SRGAP3: variants seen among roughly 807,000 people sequenced by gnomAD.
The protein encoded by SRGAP3 is SLIT-ROBO Rho GTPase activating protein 3, also known as SLIT-ROBO Rho GTPase-activating protein 3.
In SRGAP3, 39 loss-of-function variants were observed where a neutral mutation model predicts 121.1. That is an observed-to-expected ratio of 0.32 (90% CI 0.25 to 0.42). The LOEUF (loss-of-function observed/expected upper bound fraction) is 0.42, where lower values mean the gene tolerates loss of function less well. Ranked by LOEUF, SRGAP3 falls within the 10% of genes least tolerant of loss-of-function variation. The pLI, the probability that SRGAP3 is intolerant of heterozygous loss-of-function variation, is 1.00. For synonymous variants in SRGAP3, 601 were observed against 570.0 expected, an observed-to-expected ratio of 1.05 and a Z score of -0.77; for missense variants, 1,213 against 1,470.6, an observed-to-expected ratio of 0.82 and a Z score of 2.86.
chr3:9,265,814 C>T (rs1430300992), intron 3 of SRGAP3, among the ~76,000 whole-genome samples: 8 of 152,086 alleles, frequency 5.3e-5, no homozygotes, highest in East Asian at 1.9e-4. Context: ...GACAGTGTGG[C>T]GATTCCTCAA....
chr3:9,152,592 C>A (rs1183341613), intron 1 of SRGAP3, among the ~76,000 whole-genome samples: 5 of 152,204 alleles, frequency 3.3e-5, no homozygotes, highest in African/African-American at 4.8e-5. Flanking sequence ...GAAGCAGAGA[C>A]AAACCTGGCA....
chr3:9,167,644 G>T (rs957007709), intron 1 of SRGAP3, among the ~76,000 whole-genome samples: 4 of 152,164 alleles, frequency 2.6e-5, no homozygotes, highest in African/African-American at 7.2e-5. Context: ...GGGATGTGCT[G>T]GTTTTAAGAA....
chr3:9,346,779 A>T (rs1314514894), intron 1 of SRGAP3, among the ~76,000 whole-genome samples: 1 of 146,290 alleles, frequency 6.8e-6, no homozygotes, highest in Non-Finnish European at 1.5e-5. Flanking sequence ...TTTGAGACAA[A>T]GTCTCACTCT....
intron 1 of SRGAP3, among the ~76,000 whole-genome samples, chr3:9,128,573 T>C (rs906623952): frequency 6.6e-6 from 1 of 152,368 alleles, no homozygotes; most frequent in Admixed American, 6.5e-5. Flanking sequence ...ATTTATCCTA[T>C]GACCGGGCAA....
chr3:9,335,118 TTG>T (rs2125287635), intron 1 of SRGAP3, among the ~76,000 whole-genome samples: 1 of 152,316 alleles, frequency 6.6e-6, no homozygotes, highest in South Asian at 2.1e-4. Context: ...TTTCACTATT[TTG>T]TGGGTTTTCT....
In SRGAP3 at chr3:8,981,494, C is replaced by T. The variant is rs1317515123; in HGVS notation, c.*4025G>A. The T allele has an allele frequency of 2.2e-5, 5 of 232,374 alleles. No homozygotes were observed. The highest frequency in any genetic ancestry group is 6.6e-5 in the African/African-American group (3 of 45,278). 14.4% of individuals were successfully genotyped at this position (232,374 alleles called of 1,614,324 possible). ...AAGACTGAGAGGAAGAACCATTACC[C>T]GAGTCCTCGTGTTTTTCCATTAGCT... is the stretch of plus-strand genomic sequence containing the variant. On this transcript the variant is annotated 3_prime_UTR_variant, in exon 22 of 22. Transcript: ENST00000383836.
chr3:9,140,203 A>C (rs1036566693), intron 1 of SRGAP3, among the ~76,000 whole-genome samples: 7 of 152,138 alleles, frequency 4.6e-5, no homozygotes, highest in African/African-American at 1.7e-4. Flanking sequence ...TGTCTATAGA[A>C]GTGAAAACTT....
intron 3 of SRGAP3, among the ~76,000 whole-genome samples, chr3:9,267,880 T>G (rs992284146): frequency 1.3e-4 from 20 of 152,368 alleles, no homozygotes; most frequent in Non-Finnish European, 2.2e-4. Flanking sequence ...AAGGCCATTT[T>G]CTACATTATC....
chr3:9,015,707 T>C lies in SRGAP3; in HGVS notation c.1703A>G (p.Gln568Arg), dbSNP rs1215112306. The C allele has an allele frequency of 6.2e-7, 1 of 1,614,230 alleles. No individual in the cohort carries two copies. The stretch of plus-strand genomic sequence containing the variant: ...GACTGAATTGATATCTCGTTCATTT[T>C]GATCGTCCACAAGGGGGTCTTCACC... ...ERGEDPLVDD[Q>R]NERDINSVAG... The change falls in exon 15 of 22, where the codon CAA becomes CGA. Residue 568 changes from glutamine to arginine, a missense_variant. Transcript: ENST00000383836.
intron 1 of SRGAP3, among the ~76,000 whole-genome samples, chr3:9,146,766 G>A (rs755191136): frequency 3.9e-5 from 6 of 152,166 alleles, no homozygotes; most frequent in Non-Finnish European, 7.3e-5. Context: ...GAAGAGGAGC[G>A]GGAACCCCAC....
rs1407105115 is a variant in SRGAP3 at position 9,026,985 on chromosome 3, T to C, written c.1550A>G (p.Gln517Arg). ...GCTCTCGACTACAAGCGGTATAGCT[T>C]GTCCTGAATCCTTGAGAAAAGAAAA... is the stretch of plus-strand genomic sequence containing the variant. ...SMEAFIKDSGQAIPLVVESCI... is the reference protein window; with the variant it reads ...SMEAFIKDSGRAIPLVVESCI... The change falls in exon 13 of 22, where the codon CAA becomes CGA. Residue 517 changes from glutamine to arginine, a missense_variant. Physicochemically the swap from Gln to Arg is conservative, Grantham distance 43 (BLOSUM62 1). This residue lies in a region of SRGAP3 where 793 missense variants were observed against 1,032.9 expected (regional missense o/e 0.77). Transcript: ENST00000383836. 6.8e-6 allele frequency: 11 copies of C among 1,614,088 alleles called. No homozygotes were observed. In the Admixed American group the frequency reaches 1.8e-4, roughly 27 times the overall value.
At chr3:9,064,768 G>C (rs9811294) in intron 4 of SRGAP3, among the ~76,000 whole-genome samples, 187 bp from the exon 5 acceptor site, 22,349 of 151,622 alleles carry the variant, frequency 0.15, 2,038 homozygotes, top group African/African-American at 0.26. Flanking sequence ...TGATGATGAT[G>C]GTCATTACCA....
chr3:8,985,254 CA>C lies in SRGAP3; in HGVS notation c.*264del, dbSNP rs1292249196. The C allele has an allele frequency of 6.6e-5, 41 of 624,988 alleles. No homozygotes were observed. Among genetic ancestry groups the C allele is most frequent in the Non-Finnish European group, 9.6e-5 (37 of 383,764 alleles). The allele number at this position is 624,988 out of a possible 1,614,324, so 38.7% of individuals were successfully genotyped here. A position where few individuals can be genotyped will look rare whatever the true frequency, so the allele number is the denominator to read the frequency against. On this transcript the variant is annotated 3_prime_UTR_variant, in exon 22 of 22. Coordinates refer to ENST00000383836, the MANE Select transcript of SRGAP3 (RefSeq NM_014850.4). This position sits in a 1 kb window ranked among gnomAD's most constrained non-coding sequence, Gnocchi z 5.1. ...GAGAAGCCATGTGGTATTTTGCCTC[CA>C]TGTTAGGGAATGCTGTGGTTGGGGC...
intron 1 of SRGAP3, among the ~76,000 whole-genome samples, chr3:9,187,413 C>T (rs1013755790): frequency 5.3e-5 from 8 of 152,142 alleles, no homozygotes; most frequent in African/African-American, 1.9e-4. Flanking sequence ...TACCAGCCCA[C>T]GCCCAGACGC....
chr3:9,106,352 C>T (rs1575082207), intron 2 of SRGAP3, among the ~76,000 whole-genome samples: 1 of 152,214 alleles, frequency 6.6e-6, no homozygotes, highest in South Asian at 2.1e-4. Context: ...AGAGGCCCTT[C>T]CACCACCTGA....
chr3:9,025,645 G>C (rs1023217248), intron 13 of SRGAP3, among the ~76,000 whole-genome samples: 1 of 152,174 alleles, frequency 6.6e-6, no homozygotes, highest in Non-Finnish European at 1.5e-5. Flanking sequence ...CCTTCAAGAA[G>C]AGCTAGACTC....
rs1304175890 is a variant in SRGAP3, at chr3:9,249,465, C to G, written c.-514G>C. 4.0e-6 allele frequency: 1 copy of G among 248,774 alleles called. No individual in the cohort carries two copies. Among genetic ancestry groups the G allele is most frequent in the African/African-American group, 2.2e-5 (1 of 45,450 alleles). The allele number at this position is 248,774 out of a possible 1,614,324, so 15.4% of individuals were successfully genotyped here. A position where few individuals can be genotyped will look rare whatever the true frequency, so the allele number is the denominator to read the frequency against. ...GCGCCTCTTTGGTCGTGCAGCCAGCCCCTGGCTTGCTTTTGAAGGCTCTGC... is the reference window on the plus strand; with the variant it reads ...GCGCCTCTTTGGTCGTGCAGCCAGCGCCTGGCTTGCTTTTGAAGGCTCTGC... On this transcript the variant is annotated 5_prime_UTR_variant, in exon 1 of 22. Coordinates refer to ENST00000383836, the MANE Select transcript of SRGAP3 (RefSeq NM_014850.4).
intron 1 of SRGAP3, among the ~76,000 whole-genome samples, chr3:9,220,409 A>G (rs536125531): frequency 2.6e-5 from 4 of 152,310 alleles, no homozygotes; most frequent in East Asian, 1.9e-4. Flanking sequence ...GAGAGGCTGC[A>G]AACATCAAGA....
chr3:9,069,277 G>A (rs564410807), intron 4 of SRGAP3, among the ~76,000 whole-genome samples: 2 of 152,278 alleles, frequency 1.3e-5, no homozygotes, highest in East Asian at 1.9e-4. Flanking sequence ...CTCCGTGTCC[G>A]CCTGGTGAAG....
Sources: gnomAD v4.1 joint callset for allele counts (sites outside exome capture counted in the v4.1 genomes callset) on GRCh38, gnomAD v4.1.1 for gene constraint, gnomAD v4.1.1 regional missense constraint, Gnocchi (gnomAD v3.1) non-coding constraint, MANE v1.5 for transcripts, NCBI Gene and HGNC (gene_info 2026-07-23, HGNC 2026-07-21) for gene names.